The following PCM1 variants were observed in gnomAD, a reference collection of about 807,000 sequenced individuals.
PCM1 encodes pericentriolar material 1, also known as pericentriolar material 1 protein.
Under a neutral mutation model 241.9 loss-of-function variants are expected in PCM1, and 157 were observed. That is an observed-to-expected ratio of 0.65 (90% confidence interval 0.57 to 0.74). PCM1 has a LOEUF of 0.74. Among genes scored for constraint, PCM1 ranks in the 30% least tolerant of loss-of-function variants. PCM1 has a pLI of 0.00. For synonymous variants in PCM1, 1,085 were observed against 784.9 expected (o/e 1.38, Z -6.39); for missense variants, 3,478 against 2,360.1 (o/e 1.47, Z -9.81).
rs956391389 is a variant in PCM1, at chr8:17,991,524, T to C, written c.4532-18T>C. ...TTCACTTTTACATACTCAAAAAATA[T>C]TTTTGTTCCAAATGTAGGTAACACC... On this transcript the variant is annotated intron_variant, in intron 27 of 38. Transcript: ENST00000325083. 6.4e-7 allele frequency: 1 copy of C among 1,560,226 alleles called. No homozygotes were observed. The highest frequency in any genetic ancestry group is 1.4e-5 in the African/African-American group (1 of 73,566).
intron 16 of PCM1, among the ~76,000 whole-genome samples, chr8:17,962,715 G>A (rs954767431): frequency 7.9e-5 from 12 of 151,842 alleles, no homozygotes; most frequent in African/African-American, 2.7e-4. Flanking sequence ...CCTGGTCAAC[G>A]TGGTGAAACC....
At position 17,988,462 on chromosome 8, in the gene PCM1, A is replaced by G. The variant is rs542250925; in HGVS notation, c.4411-1397A>G. On this transcript the variant is annotated intron_variant, in intron 26 of 38. Transcript: ENST00000325083. ...AACACTATTAAAACTTTTAAAAGAA[A>G]ATGGGAAAAAATTATGACCTTGACA... Among the ~76,000 whole-genome samples, 9 of 152,008 alleles carry G rather than the reference A, an allele frequency of 5.9e-5. No individual in the cohort carries two copies. In the South Asian group the frequency reaches 1.9e-3, roughly 31 times the overall value.
intron 29 of PCM1, among the ~76,000 whole-genome samples, chr8:17,996,328 G>A (rs972877335): frequency 3.3e-5 from 5 of 152,168 alleles, no homozygotes; most frequent in Admixed American, 1.3e-4. Context: ...TTGATATGAT[G>A]TATTACATTG....
At chr8:18,011,864 T>C (rs771324139) in intron 34 of PCM1, 37 bp downstream of exon 34, 3 of 1,515,776 alleles carry the variant, frequency 2.0e-6, no homozygotes, top group South Asian at 2.4e-5. Context: ...CCATCAGCCT[T>C]ATTTTAACTA....
chr8:17,944,477 T>G (rs1391236565), intron 6 of PCM1, among the ~76,000 whole-genome samples: 1 of 152,160 alleles, frequency 6.6e-6, no homozygotes, highest in African/African-American at 2.4e-5. Flanking sequence ...AAAGGAAGAT[T>G]GAGGGTTCTC....
intron 29 of PCM1, among the ~76,000 whole-genome samples, chr8:18,001,887 C>G (rs914157504): frequency 6.6e-6 from 1 of 151,566 alleles, no homozygotes; most frequent in Non-Finnish European, 1.5e-5. Flanking sequence ...GTCAGCTGAT[C>G]GTGTCCAGAT....
chr8:17,973,446 C>T (rs186675160), intron 23 of PCM1, among the ~76,000 whole-genome samples: 61 of 152,170 alleles, frequency 4.0e-4, no homozygotes, highest in Middle Eastern at 3.4e-3. Context: ...AGGCTAGTTG[C>T]GGTGGCTCAT....
intron 29 of PCM1, among the ~76,000 whole-genome samples, chr8:17,994,195 A>G (rs954955437): frequency 5.9e-5 from 9 of 152,182 alleles, no homozygotes; most frequent in African/African-American, 2.2e-4. Context: ...TACCTTTCAT[A>G]GCCTCTGGTA....
chr8:18,013,387 A>G (rs2092754044), intron 34 of PCM1, among the ~76,000 whole-genome samples: 1 of 152,208 alleles, frequency 6.6e-6, no homozygotes, highest in African/African-American at 2.4e-5. Flanking sequence ...CTCTACTCCC[A>G]GTGGCCCCAG....
rs1250611515 is a variant in PCM1, at chr8:17,952,989, A to G, written c.1091A>G (p.Asn364Ser). The change falls in exon 9 of 39, where the codon AAT becomes AGT. Residue 364 changes from asparagine (N) to serine (S), a missense_variant. By Grantham distance (46) the Asn-to-Ser change is conservative. Coordinates refer to ENST00000325083, the MANE Select transcript of PCM1 (RefSeq NM_006197.4). ...RDSQPPAVPD[N>S]RRQAESLSLT... ...AATAAGCCTCCAGCTGTTCCAGACA[A>G]TAGAAGACAGGCAGAAAGTCTTTCA... is the stretch of plus-strand genomic sequence containing the variant. The G allele has an allele frequency of 1.9e-6, 3 of 1,600,786 alleles. No homozygotes were observed. The highest frequency in any genetic ancestry group is 3.4e-5 in the Admixed American group (2 of 58,740).
Position 17,994,918 on chromosome 8 carries a change from T to A in PCM1, c.4827+1299T>A, listed in dbSNP as rs532218029. ...CTATAGAGTTTGAACTCTTTATATA[T>A]GCTGGTTATTAATCCCTTGTCGGAT... is the stretch of plus-strand genomic sequence containing the variant. On this transcript the variant is annotated intron_variant, in intron 29 of 38. Coordinates refer to ENST00000325083, the MANE Select transcript of PCM1 (RefSeq NM_006197.4). Among the ~76,000 whole-genome samples, 29 of 151,666 alleles carry A rather than the reference T, an allele frequency of 1.9e-4. No homozygotes were observed. The South Asian group carries it at 6.0e-3, about 31-fold the overall frequency.
At chr8:17,926,325 C>G (rs1017047545) in intron 2 of PCM1, 4 of 152,126 alleles carry the variant, frequency 2.6e-5, no homozygotes, top group Non-Finnish European at 5.9e-5. Flanking sequence ...ACTAGTAAGG[C>G]TGTGAGATTC....
chr8:17,946,519 C>T lies in PCM1; in HGVS notation c.784-667C>T, dbSNP rs374333573. ...TTCCTTTTTTCTTTTTTCTTTGAGA[C>T]GGGGTCTCGCTCTGTCACCCAGGCT... On this transcript the variant is annotated intron_variant, in intron 6 of 38. Coordinates refer to ENST00000325083, the MANE Select transcript of PCM1 (RefSeq NM_006197.4). Among the ~76,000 whole-genome samples, 39 of 150,294 alleles carry T rather than the reference C, an allele frequency of 2.6e-4. 1 individual carries two copies. The highest frequency in any genetic ancestry group is 8.0e-4 in the Admixed American group (12 of 15,058).
chr8:17,964,514 G>T (rs755523970), intron 17 of PCM1, 54 bp from the exon 18 acceptor site: 1 of 1,340,662 alleles, frequency 7.5e-7, no homozygotes, highest in East Asian at 2.3e-5. Flanking sequence ...GTAGGTGGCA[G>T]AGTATTTAAC....
intron 17 of PCM1, 97 bp downstream of exon 17, chr8:17,963,388 A>C (rs2073426967): frequency 1.3e-6 from 1 of 791,404 alleles, no homozygotes; most frequent in Non-Finnish European, 2.0e-6. Flanking sequence ...ATCACAGCAC[A>C]AATCTGCTAT....
chr8:17,934,513 A>G (rs901171768), intron 2 of PCM1, among the ~76,000 whole-genome samples: 2 of 151,098 alleles, frequency 1.3e-5, no homozygotes, highest in Non-Finnish European at 2.9e-5. Context: ...CGCTTACCTC[A>G]GCTTCTCAAA....
At chr8:18,008,381 G>A (rs1267532994) in intron 30 of PCM1, among the ~76,000 whole-genome samples, 3 of 151,858 alleles carry the variant, frequency 2.0e-5, no homozygotes, top group Admixed American at 6.6e-5. Flanking sequence ...AGGAAAATAA[G>A]CTCAGGGCTC....
intron 26 of PCM1, among the ~76,000 whole-genome samples, chr8:17,986,466 A>G (rs529120027): frequency 1.3e-5 from 2 of 150,360 alleles, no homozygotes; most frequent in Non-Finnish European, 3.0e-5. Context: ...AGGATAAATC[A>G]GGTCTTTGGG....
Position 17,958,847 on chromosome 8 carries a change from G to A in PCM1, c.2040+1072G>A, listed in dbSNP as rs535812792. 2.0e-5 allele frequency among the ~76,000 whole-genome samples: 3 copies of A among 152,078 alleles called. No individual in the cohort carries two copies. In the East Asian group the frequency reaches 5.8e-4, roughly 29 times the overall value. ...AGCGATTCTTCTGCCTCAGCCTCCC[G>A]AGTAGCTGGAATTACAGATGTGTAC... On this transcript the variant is annotated intron_variant, in intron 13 of 38. Transcript: ENST00000325083.
Sources: gnomAD v4.1 joint callset for allele counts (sites outside exome capture counted in the v4.1 genomes callset) on GRCh38, gnomAD v4.1.1 for gene constraint, MANE v1.5 for transcripts, NCBI Gene and HGNC (gene_info 2026-07-23, HGNC 2026-07-21) for gene names.